The following MACROD2 variants were observed in gnomAD, a reference collection of about 807,000 sequenced individuals.
MACROD2 encodes the protein ADP-ribose glycohydrolase MACROD2.
In MACROD2, 36 loss-of-function variants were observed where a neutral mutation model predicts 70.4. The observed-to-expected ratio is 0.51, with a 90% CI of 0.39 to 0.68. The LOEUF (loss-of-function observed/expected upper bound fraction) is 0.68, where lower values mean the gene tolerates loss of function less well. Among genes scored for constraint, MACROD2 ranks in the 30% least tolerant of loss-of-function variants. The pLI is 0.00. For missense variants in MACROD2, 496 were observed against 538.4 expected (o/e 0.92, Z 0.78); for synonymous variants, 172 against 178.8 (o/e 0.96, Z 0.30).
intron 4 of MACROD2, among the ~76,000 whole-genome samples, chr20:14,567,969 T>G (rs1979919400): frequency 6.6e-6 from 1 of 152,078 alleles, no homozygotes; most frequent in Non-Finnish European, 1.5e-5. Context: ...ATTCTCCTAC[T>G]ATTGGCTTCT....
At chr20:14,392,997 T>C (rs1223102919) in intron 3 of MACROD2, among the ~76,000 whole-genome samples, 3 of 152,168 alleles carry the variant, frequency 2.0e-5, no homozygotes, top group Non-Finnish European at 4.4e-5. Flanking sequence ...CACTGACATG[T>C]TGAATCCAAA....
chr20:15,077,076 A>C (rs1035250441), intron 5 of MACROD2, among the ~76,000 whole-genome samples: 6 of 152,194 alleles, frequency 3.9e-5, no homozygotes, highest in Non-Finnish European at 8.8e-5. Context: ...ATGTGCATGT[A>C]ATTGCACTAT....
rs1029332321 is a variant in MACROD2 at position 16,017,273 on chromosome 20, C to A, written c.1154-23928C>A. 7.2e-5 allele frequency among the ~76,000 whole-genome samples: 11 copies of A among 152,304 alleles called. No homozygotes were observed. The South Asian group carries it at 2.3e-3, about 32-fold the overall frequency. ...CCTTTCCCTGAAATGCCAACCTCCA[C>A]ACATACTCAAATATAAGCACATTGG... On this transcript the variant is annotated intron_variant, in intron 15 of 17. Coordinates refer to ENST00000684519, the MANE Select transcript of MACROD2 (RefSeq NM_001351661.2).
chr20:15,041,702 C>T (rs901590036), intron 5 of MACROD2, among the ~76,000 whole-genome samples: 1 of 152,126 alleles, frequency 6.6e-6, no homozygotes, highest in Non-Finnish European at 1.5e-5. Context: ...CCTCGGCCTC[C>T]CAAAGTGCTG....
chr20:15,759,624 T>A (rs753044396), intron 8 of MACROD2, among the ~76,000 whole-genome samples: 6 of 152,240 alleles, frequency 3.9e-5, no homozygotes, highest in Admixed American at 1.3e-4. Flanking sequence ...GGACTCTACA[T>A]GTGATTGCAC....
chr20:15,679,520 C>T (rs1198970371), intron 8 of MACROD2, among the ~76,000 whole-genome samples: 1 of 152,176 alleles, frequency 6.6e-6, no homozygotes, highest in East Asian at 1.9e-4. Context: ...CTGTGACTTG[C>T]TTAAACCAAC....
chr20:14,899,242 C>G (rs1454169305), intron 5 of MACROD2, among the ~76,000 whole-genome samples: 1 of 152,156 alleles, frequency 6.6e-6, no homozygotes, highest in Non-Finnish European at 1.5e-5. Context: ...GCTTATTTTG[C>G]TATGCTTTTT....
At chr20:16,047,377 G>T (rs2067397409) in intron 17 of MACROD2, among the ~76,000 whole-genome samples, 1 of 152,150 alleles carries the variant, frequency 6.6e-6, no homozygotes, top group African/African-American at 2.4e-5. Context: ...ACAGGGAGAG[G>T]GTTAAATGCA....
At chr20:14,445,235 G>C (rs1200225933) in intron 3 of MACROD2, among the ~76,000 whole-genome samples, 1 of 151,964 alleles carries the variant, frequency 6.6e-6, no homozygotes, top group Non-Finnish European at 1.5e-5. Context: ...AGCTCCATGA[G>C]GGCAAGGATT....
rs1555798905 is a variant in MACROD2 at position 14,520,975 on chromosome 20, G to GCACA, written c.301+27475_301+27478dup. Among the ~76,000 whole-genome samples the GCACA allele has an allele frequency of 8.5e-3, 1,290 of 150,950 alleles. 19 individuals carry two copies. The highest frequency in any genetic ancestry group is 0.03 in the African/African-American group (1,232 of 41,082). Reference sequence around the variant, plus strand: ...CGTGCGCGCACACACACACACACACGCACACACACACCCCCCAAATAGGTT... The same window carrying GCACA: ...CGTGCGCGCACACACACACACACACGCACACACACACACACCCCCCAAATAGGTT... On this transcript the variant is annotated intron_variant, in intron 4 of 17. Coordinates refer to ENST00000684519, the MANE Select transcript of MACROD2 (RefSeq NM_001351661.2).
intron 8 of MACROD2, among the ~76,000 whole-genome samples, chr20:15,859,232 G>T (rs942656722): frequency 1.3e-5 from 2 of 152,158 alleles, no homozygotes; most frequent in East Asian, 3.9e-4. Flanking sequence ...AGGAAGGGGG[G>T]TAGGTATACT....
chr20:15,558,811 A>C (rs1568891640), intron 8 of MACROD2, among the ~76,000 whole-genome samples: 1 of 152,294 alleles, frequency 6.6e-6, no homozygotes, highest in East Asian at 1.9e-4. Context: ...TGAAGCCCTG[A>C]TAGTATCATT....
intron 8 of MACROD2, among the ~76,000 whole-genome samples, chr20:15,840,500 G>A (rs1207760624): frequency 6.6e-6 from 1 of 152,070 alleles, no homozygotes; most frequent in African/African-American, 2.4e-5. Context: ...AGATCTTTTA[G>A]ATCTCGACTT....
At chr20:15,727,270 G>C (rs920848176) in intron 8 of MACROD2, among the ~76,000 whole-genome samples, 1 of 151,868 alleles carries the variant, frequency 6.6e-6, no homozygotes, top group African/African-American at 2.4e-5. Flanking sequence ...TTTATTTCTA[G>C]GTTTTCTATT....
intron 8 of MACROD2, among the ~76,000 whole-genome samples, chr20:15,638,995 A>G (rs1402128269): frequency 2.6e-5 from 4 of 152,158 alleles, no homozygotes; most frequent in Non-Finnish European, 5.9e-5. Context: ...CTCCCGATAA[A>G]TGCTTTCTGG....
At chr20:14,755,267 C>T (rs1260965796) in intron 5 of MACROD2, among the ~76,000 whole-genome samples, 1 of 152,018 alleles carries the variant, frequency 6.6e-6, no homozygotes, top group Non-Finnish European at 1.5e-5. Context: ...CATGTTCTCA[C>T]CACTCCAGCT....
intron 4 of MACROD2, among the ~76,000 whole-genome samples, chr20:14,500,072 A>G (rs2084899490): frequency 6.6e-6 from 1 of 152,182 alleles, no homozygotes; most frequent in Admixed American, 6.5e-5. Context: ...AATGATGAGT[A>G]GTAGTTTTCA....
At chr20:15,540,099 A>T (rs748246963) in intron 8 of MACROD2, among the ~76,000 whole-genome samples, 2 of 152,190 alleles carry the variant, frequency 1.3e-5, no homozygotes, top group Admixed American at 1.3e-4. Context: ...CATAGAGAAG[A>T]GTAGGTAAAG....
intron 3 of MACROD2, among the ~76,000 whole-genome samples, chr20:14,245,769 G>A (rs969620184): frequency 2.0e-5 from 3 of 152,056 alleles, no homozygotes; most frequent in Non-Finnish European, 2.9e-5. Flanking sequence ...TGTTCCCATT[G>A]CCATCACCTC....
Sources: allele counts gnomAD v4.1 joint callset (sites outside exome capture counted in the v4.1 genomes callset), GRCh38; gene constraint gnomAD v4.1.1; transcripts MANE v1.5; gene names NCBI Gene and HGNC (gene_info 2026-07-23, HGNC 2026-07-21).